GLB1L: variants seen among roughly 807,000 people sequenced by gnomAD.
The protein encoded by GLB1L is galactosidase beta 1 like, also known as beta-galactosidase-1-like protein.
In GLB1L, 58 loss-of-function variants were observed where a neutral mutation model predicts 75.7. That is an observed-to-expected ratio of 0.77 (90% CI 0.62 to 0.95). GLB1L has a LOEUF of 0.95. GLB1L is among the 40% of genes least tolerant of loss of function. The pLI, the probability that GLB1L is intolerant of heterozygous loss-of-function variation, is 0.00. For synonymous variants in GLB1L, 296 were observed against 303.0 expected, an observed-to-expected ratio of 0.98 and a Z score of 0.24; for missense variants, 797 against 805.5, an observed-to-expected ratio of 0.99 and a Z score of 0.13.
rs1248784499 is a variant in GLB1L, at chr2:219,239,467, G to A, written c.903-16C>T. On this transcript the variant is annotated splice_polypyrimidine_tract_variant and intron_variant, in intron 9 of 16. Coordinates refer to ENST00000295759, the MANE Select transcript of GLB1L (RefSeq NM_001286423.2). ...GAACATGTACCTGAAGTGAGAGAGG[G>A]TGGGGGAACAGGTAAAAGCTGACTC... is the stretch of plus-strand genomic sequence containing the variant. 1.2e-6 allele frequency: 2 copies of A among 1,610,220 alleles called. No homozygotes were observed. The highest frequency in any genetic ancestry group is 1.7e-5 in the Admixed American group (1 of 59,816).
At chr2:219,244,873 C>T (rs1951489932) in intron 1 of GLB1L, among the ~76,000 whole-genome samples, 1 of 152,224 alleles carries the variant, frequency 6.6e-6, no homozygotes, top group South Asian at 2.1e-4. Context: ...ACTACGTTAA[C>T]GGAGCTGTCA....
intron 1 of GLB1L, among the ~76,000 whole-genome samples, chr2:219,244,228 G>A (rs1394542082): frequency 6.6e-6 from 1 of 152,178 alleles, no homozygotes; most frequent in Non-Finnish European, 1.5e-5. Flanking sequence ...ATTTTAACAA[G>A]ATTCCCAGGT....
intron 5 of GLB1L, 52 bp from the exon 6 acceptor site, chr2:219,240,337 A>C: frequency 7.3e-7 from 1 of 1,361,474 alleles, no homozygotes; most frequent in Non-Finnish European, 1.1e-6. Context: ...ACACTTGCTC[A>C]CCACTAAATA....
chr2:219,244,885 T>G (rs62191849), intron 1 of GLB1L, among the ~76,000 whole-genome samples: 4,959 of 152,330 alleles, frequency 0.033, 116 homozygotes, highest in Non-Finnish European at 0.048. Context: ...GAGCTGTCAT[T>G]TGAACTAGTC....
chr2:219,242,680 T>C (rs958626344), intron 4 of GLB1L, 88 bp downstream of exon 4: 1 of 1,548,062 alleles, frequency 6.5e-7, no homozygotes, highest in African/African-American at 1.4e-5. Flanking sequence ...AATATAGTGC[T>C]GGAGATGGCC....
chr2:219,244,741 A>G (rs1269603060), intron 1 of GLB1L, among the ~76,000 whole-genome samples: 1 of 152,224 alleles, frequency 6.6e-6, no homozygotes, highest in Admixed American at 6.5e-5. Context: ...TGTGTCAGAT[A>G]TTGTATTAAA....
Position 219,240,058 on chromosome 2 carries a change from A to G in GLB1L, c.583T>C (p.Phe195Leu). The G allele has an allele frequency of 1.2e-6, 2 of 1,614,146 alleles. No homozygotes were observed. Among genetic ancestry groups the G allele is most frequent in the Non-Finnish European group, 1.7e-6 (2 of 1,180,034 alleles). Residue 195 changes from phenylalanine to leucine, a missense_variant, in exon 7 of 17, where the codon TTC becomes CTC. Physicochemically the swap from Phe to Leu is conservative, Grantham distance 22. Transcript: ENST00000295759. ...NEYGSYRACD[F>L]SYMRHLAGLF... ...CCAGCCAAGTGCCTCATGTAGCTGA[A>G]GTCACAGGCTCTGTAGCTACCATAT...
chr2:219,244,561 C>T (rs976065257), intron 1 of GLB1L, among the ~76,000 whole-genome samples: 1 of 151,760 alleles, frequency 6.6e-6, no homozygotes, highest in Non-Finnish European at 1.5e-5. Context: ...AAGTGCACCC[C>T]TCTCCAGCTT....
chr2:219,238,525 G>A lies in GLB1L; in HGVS notation c.1197C>T (p.Ile399=). The A allele has an allele frequency of 6.2e-7, 1 of 1,614,194 alleles. No homozygotes were observed. The highest frequency in any genetic ancestry group is 8.5e-7 in the Non-Finnish European group (1 of 1,180,014). ...LLCPRGPIHS[I]LPMTFEAVKQ... ...TGACAGCCTCAAAGGTCATTGGCAA[G>A]ATTGAATGAATGGGCCCACGGGGGC... The change falls in exon 13 of 17, where the codon ATC becomes ATT. Residue 399 remains isoleucine (I), a synonymous_variant. Transcript: ENST00000295759.
chr2:219,243,777 A>G (rs1202272659), intron 1 of GLB1L, 134 bp from the exon 2 acceptor site: 4 of 566,150 alleles, frequency 7.1e-6, no homozygotes, highest in African/African-American at 3.8e-5. Flanking sequence ...CAGTTCACGA[A>G]CCAGCTTCAT....
At chr2:219,244,872 A>G (rs939102835) in intron 1 of GLB1L, among the ~76,000 whole-genome samples, 1 of 152,234 alleles carries the variant, frequency 6.6e-6, no homozygotes, top group Non-Finnish European at 1.5e-5. Context: ...AACTACGTTA[A>G]CGGAGCTGTC....
At position 219,239,985 on chromosome 2, in the gene GLB1L, T is replaced by C; in HGVS notation, c.656A>G (p.Asp219Gly). 6.2e-7 allele frequency: 1 copy of C among 1,614,088 alleles called. No homozygotes were observed. Among genetic ancestry groups the C allele is most frequent in the Non-Finnish European group, 8.5e-7 (1 of 1,180,030 alleles). The change falls in exon 7 of 17, where the codon GAT becomes GGT. Residue 219 changes from aspartate to glycine, a missense_variant. Transcript: ENST00000295759. ...LGEKILLFTT[D>G]GPEGLKCGSL... ...GCCACACTTGAGTCCTTCAGGCCCA[T>C]CTGTGGTGAAGAGCAAGATCTTTTC...
chr2:219,242,852 G>A lies in GLB1L; in HGVS notation c.306C>T (p.Leu102=). 6.2e-7 allele frequency: 1 copy of A among 1,614,228 alleles called. No individual in the cohort carries two copies. Among genetic ancestry groups the A allele is most frequent in the South Asian group, 1.1e-5 (1 of 91,086 alleles). ...GVYNFNGSRD[L]IAFLNEAALA... Reference sequence around the variant, plus strand: ...GAGCTGCCTCATTCAGAAAGGCAATGAGGTCCCGGCTGCCATTAAAGTTAT... The same window carrying A: ...GAGCTGCCTCATTCAGAAAGGCAATAAGGTCCCGGCTGCCATTAAAGTTAT... The change falls in exon 4 of 17, where the codon CTC becomes CTT. Residue 102 remains leucine, a synonymous_variant. Transcript: ENST00000295759.
chr2:219,243,411 G>A, intron 2 of GLB1L, 91 bp downstream of exon 2: 1 of 1,591,828 alleles, frequency 6.3e-7, no homozygotes, highest in South Asian at 1.1e-5. Flanking sequence ...AGCCCTGCGG[G>A]TTGTTTGGTT....
intron 14 of GLB1L, 104 bp from the exon 15 acceptor site, chr2:219,238,061 T>C: frequency 1.6e-6 from 2 of 1,220,618 alleles, no homozygotes; most frequent in South Asian, 1.4e-5. Context: ...AGAGAGAATG[T>C]AGCCATCTAT....
At chr2:219,243,387 G>T (rs1217098912) in intron 2 of GLB1L, 73 bp from the exon 3 acceptor site, 8 of 1,590,308 alleles carry the variant, frequency 5.0e-6, no homozygotes, top group Non-Finnish European at 8.6e-7. Context: ...GCCAAGAGCG[G>T]AAGAGATGGA....
At chr2:219,243,050 T>C in intron 3 of GLB1L, 98 bp downstream of exon 3, 3 of 1,541,896 alleles carry the variant, frequency 1.9e-6, no homozygotes, top group South Asian at 2.4e-5. Flanking sequence ...ACCCTTGGCC[T>C]AGGAGTCCTG....
intron 11 of GLB1L, 82 bp from the exon 12 acceptor site, chr2:219,238,861 C>T (rs1951318431): frequency 7.8e-7 from 1 of 1,277,590 alleles, no homozygotes; most frequent in East Asian, 2.3e-5. Context: ...GAGTTCCTAA[C>T]CTGGGGCCCA....
intron 2 of GLB1L, 37 bp downstream of exon 2, chr2:219,243,465 A>C (rs1376267136): frequency 6.2e-7 from 1 of 1,611,938 alleles, no homozygotes; most frequent in South Asian, 1.1e-5. Flanking sequence ...GATCCCGCTC[A>C]CCGCACCCGG....
Sources: allele counts gnomAD v4.1 joint callset (sites outside exome capture counted in the v4.1 genomes callset), GRCh38; gene constraint gnomAD v4.1.1; transcripts MANE v1.5; gene names NCBI Gene and HGNC (gene_info 2026-07-23, HGNC 2026-07-21).